Variants in ADAMTS7 observed in about 807,000 individuals in gnomAD.
ADAMTS7 encodes the protein A disintegrin and metalloproteinase with thrombospondin motifs 7.
Under a neutral mutation model 172.6 loss-of-function variants are expected in ADAMTS7, and 89 were observed. That is an observed-to-expected ratio of 0.52 (90% CI 0.43 to 0.61). The LOEUF (loss-of-function observed/expected upper bound fraction) is 0.61. Ranked by LOEUF, ADAMTS7 falls within the 20% of genes least tolerant of loss-of-function variation. ADAMTS7 has a pLI of 0.00. For synonymous variants in ADAMTS7, 885 were observed against 978.4 expected (o/e 0.90, Z 1.78); for missense variants, 1,973 against 2,355.6 (o/e 0.84, Z 3.36).
intron 13 of ADAMTS7, among the ~76,000 whole-genome samples, 174 bp downstream of exon 13, chr15:78,773,993 C>G (rs1384939597): frequency 1.3e-5 from 2 of 152,118 alleles, no homozygotes; most frequent in African/African-American, 4.8e-5. Flanking sequence ...CTGGGAAGCC[C>G]GATGGTAGAG....
At chr15:78,792,239 G>A (rs569751424) in intron 4 of ADAMTS7, among the ~76,000 whole-genome samples, 3 of 152,250 alleles carry the variant, frequency 2.0e-5, no homozygotes, top group East Asian at 3.9e-4. Context: ...GGGAGCCCGG[G>A]AGCCTTGAAC....
At chr15:78,783,692 G>C (rs1362637830) in intron 8 of ADAMTS7, among the ~76,000 whole-genome samples, 1 of 152,288 alleles carries the variant, frequency 6.6e-6, no homozygotes, top group Admixed American at 6.5e-5. Context: ...ACCTCGCAGA[G>C]ATAAGAGAAC....
At position 78,790,593 on chromosome 15, in the gene ADAMTS7, C is replaced by T. The variant is rs1464234121; in HGVS notation, c.1028+77G>A. Reference sequence around the variant, plus strand: ...GGCTCCCTGACAGCACGGCCCCCTCCTCCACCAGGGCTTCTTCTGCAGGGC... The same window carrying T: ...GGCTCCCTGACAGCACGGCCCCCTCTTCCACCAGGGCTTCTTCTGCAGGGC... On this transcript the variant is annotated intron_variant, in intron 6 of 23. Coordinates refer to ENST00000388820, the MANE Select transcript of ADAMTS7 (RefSeq NM_014272.5). 1.9e-6 allele frequency: 3 copies of T among 1,578,054 alleles called. No individual in the cohort carries two copies. In the African/African-American group the frequency reaches 4.0e-5, roughly 21 times the overall value.
rs746705132 is a variant in ADAMTS7 at position 78,789,702 on chromosome 15, C to T, written c.1165G>A (p.Glu389Lys). 2.5e-6 allele frequency: 4 copies of T among 1,613,832 alleles called. No individual in the cohort carries two copies. The highest frequency in any genetic ancestry group is 2.5e-6 in the Non-Finnish European group (3 of 1,179,982). Residue 389 changes from glutamate (E) to lysine (K), a missense_variant, in exon 7 of 24, where the codon GAG becomes AAG. Coordinates refer to ENST00000388820, the MANE Select transcript of ADAMTS7 (RefSeq NM_014272.5). Reference sequence around the variant, plus strand: ...CAGGCACAGTACCTGTGCCCGAGCTCGTGGGCTACAGTGAAGGCCAGCGGC... The same window carrying T: ...CAGGCACAGTACCTGTGCCCGAGCTTGTGGGCTACAGTGAAGGCCAGCGGC... Reference protein sequence around the residue: ...GLPLAFTVAHELGHSFGIQHD... With the variant: ...GLPLAFTVAHKLGHSFGIQHD...
intron 8 of ADAMTS7, among the ~76,000 whole-genome samples, chr15:78,780,838 C>T (rs1376953608): frequency 6.6e-6 from 1 of 152,232 alleles, no homozygotes; most frequent in East Asian, 1.9e-4. Context: ...GTTCCTGACC[C>T]CAGGAGGGCT....
At position 78,811,338 on chromosome 15, in the gene ADAMTS7, C is replaced by A; in HGVS notation, c.-118G>T. 1 of 1,169,582 alleles carries A rather than the reference C, an allele frequency of 8.6e-7. No individual in the cohort carries two copies. The highest frequency in any genetic ancestry group is 1.1e-6 in the Non-Finnish European group (1 of 936,972). The allele number at this position is 1,169,582 out of a possible 1,614,324, so 72.5% of individuals were successfully genotyped here. A position where few individuals can be genotyped will look rare whatever the true frequency, so the allele number is the denominator to read the frequency against. Reference sequence around the variant, plus strand: ...TGCCCGGCCGGCGTGCAGCTCCCGGCGACCCGGCCCCGACTCCGTTCGGCT... The same window carrying A: ...TGCCCGGCCGGCGTGCAGCTCCCGGAGACCCGGCCCCGACTCCGTTCGGCT... On this transcript the variant is annotated 5_prime_UTR_variant, in exon 1 of 24. Coordinates refer to ENST00000388820, the MANE Select transcript of ADAMTS7 (RefSeq NM_014272.5).
intron 1 of ADAMTS7, among the ~76,000 whole-genome samples, chr15:78,808,012 G>C (rs2055818713): frequency 6.6e-6 from 1 of 151,740 alleles, no homozygotes; most frequent in African/African-American, 2.4e-5. Context: ...GGACTACCAG[G>C]CCTGGATAAT....
At chr15:78,765,494 G>A (rs2055124201) in intron 19 of ADAMTS7, 151 bp downstream of exon 19, 20 of 1,302,272 alleles carry the variant, frequency 1.5e-5, no homozygotes, top group South Asian at 4.2e-5. Flanking sequence ...AATGGGGCCC[G>A]GGGTCCCCTC....
intron 4 of ADAMTS7, among the ~76,000 whole-genome samples, chr15:78,793,821 C>T (rs752763440): frequency 6.6e-6 from 1 of 152,230 alleles, no homozygotes; most frequent in Non-Finnish European, 1.5e-5. Context: ...AGCTGCCCCT[C>T]TCCAGGGCAG....
rs376632788 is a variant in ADAMTS7, at chr15:78,772,041, C to T, written c.2132-212G>A. Among the ~76,000 whole-genome samples, 24 of 152,302 alleles carry T rather than the reference C, an allele frequency of 1.6e-4. No homozygotes were observed. In the East Asian group the frequency reaches 4.3e-3, roughly 27 times the overall value. On this transcript the variant is annotated intron_variant, in intron 14 of 23. Transcript: ENST00000388820. ...ACCCCGTGGCCATGCCCCATCACTCCTCTCTTGGGGACCTACACTGGTCTC... is the reference window on the plus strand; with the variant it reads ...ACCCCGTGGCCATGCCCCATCACTCTTCTCTTGGGGACCTACACTGGTCTC...
chr15:78,789,252 T>C (rs1008491725), intron 7 of ADAMTS7, among the ~76,000 whole-genome samples: 3 of 152,198 alleles, frequency 2.0e-5, no homozygotes, highest in African/African-American at 7.2e-5. Flanking sequence ...GAGGGAGCCT[T>C]GGACATCACT....
intron 1 of ADAMTS7, chr15:78,810,784 C>T: frequency 4.6e-6 from 1 of 219,418 alleles, no homozygotes; most frequent in Non-Finnish European, 9.0e-6. Flanking sequence ...CTCCGTCCAG[C>T]CCACTCGGAC....
chr15:78,797,919 A>C, intron 3 of ADAMTS7, 29 bp downstream of exon 3: 2 of 1,585,032 alleles, frequency 1.3e-6, no homozygotes, highest in Non-Finnish European at 1.7e-6. Flanking sequence ...CCCAGCACCC[A>C]CCCGAGAACT....
At chr15:78,792,620 G>C (rs1197234384) in intron 4 of ADAMTS7, among the ~76,000 whole-genome samples, 1 of 152,182 alleles carries the variant, frequency 6.6e-6, no homozygotes, top group Non-Finnish European at 1.5e-5. Context: ...TTCGAGACCA[G>C]CCTGGCCAAA....
At chr15:78,775,301 G>C (rs1412451131) in intron 11 of ADAMTS7, among the ~76,000 whole-genome samples, 1 of 152,224 alleles carries the variant, frequency 6.6e-6, no homozygotes, top group African/African-American at 2.4e-5. Context: ...TGAAAGGTCT[G>C]ACCTAGCACA....
intron 5 of ADAMTS7, 138 bp downstream of exon 5, chr15:78,791,002 G>A (rs2055572910): frequency 8.2e-7 from 1 of 1,225,846 alleles, no homozygotes; most frequent in South Asian, 1.4e-5. Flanking sequence ...TCAGGAACCA[G>A]GGGGTGGCAG....
chr15:78,764,446 G>T, intron 20 of ADAMTS7, 109 bp downstream of exon 20: 1 of 1,363,214 alleles, frequency 7.3e-7, no homozygotes, highest in Non-Finnish European at 9.7e-7. Context: ...ACACAGATGT[G>T]CAGCCTGGGG....
Position 78,789,734 on chromosome 15 carries a change from G to A in ADAMTS7, c.1133C>T (p.Thr378Met), listed in dbSNP as rs1389641746. Residue 378 changes from threonine (T) to methionine (M), a missense_variant, in exon 7 of 24, where the codon ACG becomes ATG. By Grantham distance (81) the Thr-to-Met change is moderately conservative. This residue lies in a region of ADAMTS7 where 526 missense variants were observed against 662.9 expected (regional missense o/e 0.79). Transcript: ENST00000388820. ...PHRSCSINED[T>M]GLPLAFTVAH... ...TACAGTGAAGGCCAGCGGCAGGCCCGTGTCCTCGTTGATGCTGCAGCTGCG... is the reference window on the plus strand; with the variant it reads ...TACAGTGAAGGCCAGCGGCAGGCCCATGTCCTCGTTGATGCTGCAGCTGCG... 11 of 1,612,914 alleles carry A rather than the reference G, an allele frequency of 6.8e-6. No individual in the cohort carries two copies. Among genetic ancestry groups the A allele is most frequent in the East Asian group, 4.5e-5 (2 of 44,858 alleles).
At chr15:78,764,797 C>T (rs2055113954) in intron 19 of ADAMTS7, 90 bp from the exon 20 acceptor site, 2 of 1,343,008 alleles carry the variant, frequency 1.5e-6, no homozygotes. Context: ...CTAGCGAGAC[C>T]TCAGCAAGAC....
Sources: gnomAD v4.1 joint callset for allele counts (sites outside exome capture counted in the v4.1 genomes callset) on GRCh38, gnomAD v4.1.1 for gene constraint, gnomAD v4.1.1 regional missense constraint, MANE v1.5 for transcripts, NCBI Gene and HGNC (gene_info 2026-07-23, HGNC 2026-07-21) for gene names.